CSNK1G1: variants seen among roughly 807,000 people sequenced by gnomAD.
CSNK1G1 encodes the protein casein kinase I isoform gamma-1.
CSNK1G1 carries 22 observed loss-of-function variants against 59.6 expected under a neutral mutation model. That is an observed-to-expected ratio of 0.37 (90% CI 0.26 to 0.53). The LOEUF (loss-of-function observed/expected upper bound fraction) is 0.53. CSNK1G1 is among the 20% of genes least tolerant of loss of function. CSNK1G1 has a pLI of 0.89. For synonymous variants in CSNK1G1, 179 were observed against 177.1 expected (o/e 1.01, Z -0.08); for missense variants, 384 against 519.5 (o/e 0.74, Z 2.54).
rs112399570 is a variant in CSNK1G1 at position 64,260,356 on chromosome 15, T to C, written c.182-1115A>G. Among the ~76,000 whole-genome samples the C allele has an allele frequency of 7.2e-3, 1,089 of 152,102 alleles. 11 individuals carry two copies. The highest frequency in any genetic ancestry group is 0.017 in the African/African-American group (715 of 41,406). ...GTAAATGTTATATTTCTGTAATACATAGCGGAATATATGTGCGTGAAAAAG... is the reference window on the plus strand; with the variant it reads ...GTAAATGTTATATTTCTGTAATACACAGCGGAATATATGTGCGTGAAAAAG... On this transcript the variant is annotated intron_variant, in intron 2 of 11. Transcript: ENST00000303052.
chr15:64,196,538 GC>G (rs781188404), intron 10 of CSNK1G1, among the ~76,000 whole-genome samples: 12 of 151,166 alleles, frequency 7.9e-5, no homozygotes, highest in Non-Finnish European at 1.5e-4. Flanking sequence ...CACAAACTCT[GC>G]CTCCCGGGTT....
intron 10 of CSNK1G1, among the ~76,000 whole-genome samples, chr15:64,186,012 A>G (rs1393252743): frequency 6.6e-6 from 1 of 152,200 alleles, no homozygotes; most frequent in South Asian, 2.1e-4. Context: ...ATTGGTGTAC[A>G]GATCCCAGGA....
At chr15:64,286,223 C>T (rs559694326) in intron 2 of CSNK1G1, among the ~76,000 whole-genome samples, 45 of 151,954 alleles carry the variant, frequency 3.0e-4, no homozygotes, top group Non-Finnish European at 5.7e-4. Context: ...TGCCATTTGC[C>T]AATTCCAGCA....
rs2081601752 is a variant in CSNK1G1, at chr15:64,166,241, G to A, written c.*5690C>T. 2.5e-6 allele frequency: 1 copy of A among 407,930 alleles called. No homozygotes were observed. The highest frequency in any genetic ancestry group is 4.3e-6 in the Non-Finnish European group (1 of 231,678). The allele number at this position is 407,930 out of a possible 1,614,324, so 25.3% of individuals were successfully genotyped here. ...AAGAGTACAATGGGCAAAGATCAAA[G>A]ACAGATAAATAATAATATAATAAAT... is the stretch of plus-strand genomic sequence containing the variant. On this transcript the variant is annotated 3_prime_UTR_variant, in exon 12 of 12. Transcript: ENST00000303052. This position sits in a 1 kb window ranked among gnomAD's most constrained non-coding sequence, Gnocchi z 4.5.
intron 10 of CSNK1G1, among the ~76,000 whole-genome samples, chr15:64,190,062 C>T (rs578219326): frequency 9.2e-5 from 14 of 152,184 alleles, no homozygotes; most frequent in Admixed American, 6.5e-4. Context: ...CCTCGTGATC[C>T]GCCTGCCTCA....
chr15:64,243,981 C>T (rs1305300501), intron 4 of CSNK1G1, among the ~76,000 whole-genome samples: 1 of 151,880 alleles, frequency 6.6e-6, no homozygotes, highest in East Asian at 1.9e-4. Flanking sequence ...ACAGCCTGGC[C>T]AACATGGTGA....
At chr15:64,221,737 C>T (rs191612314) in intron 4 of CSNK1G1, among the ~76,000 whole-genome samples, 70 of 151,950 alleles carry the variant, frequency 4.6e-4, no homozygotes, top group African/African-American at 1.0e-3. Context: ...TACCATCTCA[C>T]GCCAGTCAGA....
chr15:64,244,216 C>T (rs2140309187), intron 4 of CSNK1G1, among the ~76,000 whole-genome samples: 1 of 151,836 alleles, frequency 6.6e-6, no homozygotes, highest in Middle Eastern at 3.4e-3. Flanking sequence ...AGCATCTCTA[C>T]ATCCCAATAA....
intron 2 of CSNK1G1, among the ~76,000 whole-genome samples, chr15:64,277,759 A>G (rs1326223454): frequency 1.3e-4 from 9 of 69,000 alleles, no homozygotes; most frequent in Non-Finnish European, 2.2e-4. Context: ...TTAATAATAT[A>G]GCAATATTGA....
Position 64,271,694 on chromosome 15 carries a change from T to G in CSNK1G1, c.182-12453A>C, listed in dbSNP as rs1396439567. 2.0e-5 allele frequency among the ~76,000 whole-genome samples: 3 copies of G among 152,328 alleles called. No individual in the cohort carries two copies. In the East Asian group the frequency reaches 5.8e-4, roughly 29 times the overall value. ...TTTATGTCCAAATATGTGGTTGATT[T>G]TAGAGTATATGCCATGTGGTGATGA... On this transcript the variant is annotated intron_variant, in intron 2 of 11. Transcript: ENST00000303052.
At chr15:64,270,498 G>A (rs1231983559) in intron 2 of CSNK1G1, among the ~76,000 whole-genome samples, 1 of 151,930 alleles carries the variant, frequency 6.6e-6, no homozygotes, top group African/African-American at 2.4e-5. Flanking sequence ...AGTGGCTCAC[G>A]CCTGTAATCT....
intron 7 of CSNK1G1, 129 bp downstream of exon 7, chr15:64,207,380 G>C (rs1311938732): frequency 1.6e-6 from 1 of 621,932 alleles, no homozygotes; most frequent in Non-Finnish European, 2.8e-6. Context: ...CAAAGTGCTG[G>C]GATTACAGGC....
chr15:64,225,312 CTG>C (rs2082444966), intron 4 of CSNK1G1, among the ~76,000 whole-genome samples: 1 of 152,118 alleles, frequency 6.6e-6, no homozygotes, highest in African/African-American at 2.4e-5. Context: ...CAACCTATGG[CTG>C]CCTTCTTGGA....
intron 1 of CSNK1G1, among the ~76,000 whole-genome samples, chr15:64,319,565 A>G (rs1896449709): frequency 6.6e-6 from 1 of 152,090 alleles, no homozygotes; most frequent in Admixed American, 6.6e-5. Flanking sequence ...TTTTGTTTTG[A>G]GATGGAGTCT....
intron 4 of CSNK1G1, among the ~76,000 whole-genome samples, chr15:64,227,272 A>G (rs2082475343): frequency 6.6e-6 from 1 of 152,224 alleles, no homozygotes; most frequent in African/African-American, 2.4e-5. Context: ...TTTAAAAGAC[A>G]GTTCTGCTGG....
chr15:64,172,124 C>T lies in CSNK1G1; in HGVS notation c.1215-139G>A, dbSNP rs185936396. The T allele has an allele frequency of 2.0e-4, 145 of 733,266 alleles. 1 individual carries two copies. In the East Asian group the frequency reaches 3.2e-3, roughly 16 times the overall value. 45.4% of individuals were successfully genotyped at this position (733,266 alleles called of 1,614,324 possible). ...GGGACCACCCACCATCTACAGTGCA[C>T]GCACTGGAGGCAGTGGGCAGTGTCT... On this transcript the variant is annotated intron_variant, in intron 11 of 11. Transcript: ENST00000303052.
At chr15:64,177,112 A>G (rs1369518201) in intron 11 of CSNK1G1, among the ~76,000 whole-genome samples, 1 of 152,248 alleles carries the variant, frequency 6.6e-6, no homozygotes, top group East Asian at 1.9e-4. Context: ...TTTTGTACAC[A>G]GAACAAAACC....
chr15:64,311,745 T>C (rs997888066), intron 1 of CSNK1G1, among the ~76,000 whole-genome samples: 1 of 147,918 alleles, frequency 6.8e-6, no homozygotes, highest in Admixed American at 6.8e-5. Flanking sequence ...TCAGGTGCAG[T>C]GGTGCATGCA....
At chr15:64,307,209 CATT>C (rs1168363442) in intron 1 of CSNK1G1, among the ~76,000 whole-genome samples, 3 of 151,584 alleles carry the variant, frequency 2.0e-5, no homozygotes, top group African/African-American at 7.3e-5. Flanking sequence ...TAATGCAAGA[CATT>C]AATAATAGGG....
Sources: allele counts gnomAD v4.1 joint callset (sites outside exome capture counted in the v4.1 genomes callset), GRCh38; gene constraint gnomAD v4.1.1; non-coding constraint Gnocchi (gnomAD v3.1); transcripts MANE v1.5; gene names NCBI Gene and HGNC (gene_info 2026-07-23, HGNC 2026-07-21).